The following CERT1 variants were observed in gnomAD, a reference collection of about 807,000 sequenced individuals.
The protein encoded by CERT1 is ceramide transfer protein.
CERT1 carries 31 observed loss-of-function variants against 87.9 expected under a neutral mutation model. That is an observed-to-expected ratio of 0.35 (90% CI 0.27 to 0.48). CERT1 has a LOEUF of 0.48. Ranked by LOEUF, CERT1 falls within the 20% of genes least tolerant of loss-of-function variation. CERT1 has a pLI of 0.99. For synonymous variants in CERT1, 289 were observed against 250.9 expected (o/e 1.15, Z -1.44); for missense variants, 487 against 758.0 (o/e 0.64, Z 4.20).
chr5:75,375,650 A>G (rs1232949126), downstream of CERT1: 1 of 147,230 alleles, frequency 6.8e-6, no homozygotes, highest in Non-Finnish European at 1.5e-5. Flanking sequence ...AAAAATATAT[A>G]TTATATATAA....
chr5:75,473,677 T>C (rs1033183474), intron 2 of CERT1, among the ~76,000 whole-genome samples: 8 of 152,148 alleles, frequency 5.3e-5, no homozygotes, highest in Admixed American at 1.3e-4. Context: ...GTGGTGACTA[T>C]AGTTAATGAT....
In CERT1 at chr5:75,459,197, AG is replaced by A; in HGVS notation, c.232-17del. The stretch of plus-strand genomic sequence containing the variant: ...AATCGTGAGGCTGTGGAGAAAAAGT[AG>A]AAAATGAAAAGCAAAGCTAATTATA... On this transcript the variant is annotated splice_polypyrimidine_tract_variant and intron_variant, in intron 2 of 16. Coordinates refer to ENST00000643780, the MANE Select transcript of CERT1 (RefSeq NM_001379029.1). 6.6e-7 allele frequency: 1 copy of A among 1,510,702 alleles called. No homozygotes were observed. Among genetic ancestry groups the A allele is most frequent in the South Asian group, 1.1e-5 (1 of 88,936 alleles). The allele number at this position is 1,510,702 out of a possible 1,614,324, so 93.6% of individuals were successfully genotyped here.
intron 8 of CERT1, among the ~76,000 whole-genome samples, chr5:75,403,337 A>G (rs1215400869): frequency 6.6e-6 from 1 of 152,276 alleles, no homozygotes; most frequent in African/African-American, 2.4e-5. Flanking sequence ...CTATGGCCCA[A>G]GGGCCAAATC....
rs141063927 is a variant in CERT1 at position 75,431,961 on chromosome 5, T to C, written c.349-5483A>G. On this transcript the variant is annotated intron_variant, in intron 3 of 16. Coordinates refer to ENST00000643780, the MANE Select transcript of CERT1 (RefSeq NM_001379029.1). ...AATGAGATTGCTGGTCAAATGGTAG[T>C]TCTGTTTTAAGTTGTTTGAGAAATC... 1.6e-4 allele frequency among the ~76,000 whole-genome samples: 25 copies of C among 152,322 alleles called. No individual in the cohort carries two copies. The East Asian group carries it at 4.8e-3, about 29-fold the overall frequency.
At chr5:75,456,610 G>A (rs2112300600) in intron 3 of CERT1, among the ~76,000 whole-genome samples, 1 of 146,360 alleles carries the variant, frequency 6.8e-6, no homozygotes, top group East Asian at 2.0e-4. Flanking sequence ...GGAGGCAGAG[G>A]CTGAAGTGAG....
intron 7 of CERT1, among the ~76,000 whole-genome samples, chr5:75,411,548 G>A (rs751996740): frequency 3.9e-5 from 6 of 152,020 alleles, no homozygotes; most frequent in Admixed American, 1.3e-4. Flanking sequence ...TCCTCACCTC[G>A]TGATCCACCC....
intron 3 of CERT1, among the ~76,000 whole-genome samples, chr5:75,432,459 A>C (rs1344986051): frequency 1.3e-5 from 2 of 152,228 alleles, no homozygotes; most frequent in Non-Finnish European, 2.9e-5. Flanking sequence ...TTTATCTAAC[A>C]AACAGTGATG....
Position 75,437,597 on chromosome 5 carries a change from C to A in CERT1, c.349-11119G>T, listed in dbSNP as rs191438234. ...CCTGGCCAATATGGCAAAACCCAGT[C>A]TCTACTAAAAATATGAAAATTAGCT... is the stretch of plus-strand genomic sequence containing the variant. On this transcript the variant is annotated intron_variant, in intron 3 of 16. Transcript: ENST00000643780. Among the ~76,000 whole-genome samples the A allele has an allele frequency of 8.6e-5, 13 of 151,914 alleles. No homozygotes were observed. In the South Asian group the frequency reaches 1.9e-3, roughly 22 times the overall value.
At chr5:75,379,587 T>C in intron 16 of CERT1, 114 bp from the exon 17 acceptor site, 1 of 953,184 alleles carries the variant, frequency 1.0e-6, no homozygotes, top group East Asian at 2.6e-5. Flanking sequence ...CCAATTAGCA[T>C]CTTTTTTTTT....
rs1284704619 is a variant in CERT1, at chr5:75,511,364, GCGC to G, written c.-160_-158del. On this transcript the variant is annotated 5_prime_UTR_variant, in exon 1 of 17. Coordinates refer to ENST00000643780, the MANE Select transcript of CERT1 (RefSeq NM_001379029.1). ...GGAGGAGGGACGAAGTCCGCCCGCC[GCGC>G]CGCCGCCGCGCCTGACACCGAGCGG... 1 of 1,546,340 alleles carries G rather than the reference GCGC, an allele frequency of 6.5e-7. No homozygotes were observed. The highest frequency in any genetic ancestry group is 8.7e-7 in the Non-Finnish European group (1 of 1,146,152).
chr5:75,407,188 G>A (rs1762740526), intron 8 of CERT1, among the ~76,000 whole-genome samples: 1 of 151,896 alleles, frequency 6.6e-6, no homozygotes, highest in Non-Finnish European at 1.5e-5. Flanking sequence ...ATTTCAAATA[G>A]GTGAATAAAG....
At chr5:75,392,969 CAAAAAAAAAA>C (rs1198217217) in intron 11 of CERT1, among the ~76,000 whole-genome samples, 5 of 8,690 alleles carry the variant, frequency 5.8e-4, no homozygotes, top group Admixed American at 4.7e-3. Context: ...GACTCCGTCT[CAAAAAAAAAA>C]AAAAAAAAAA....
chr5:75,414,574 A>G (rs1253792048), intron 7 of CERT1, among the ~76,000 whole-genome samples: 1 of 152,114 alleles, frequency 6.6e-6, no homozygotes, highest in African/African-American at 2.4e-5. Context: ...ATAATTGCCT[A>G]ATTTTAGAAT....
At chr5:75,408,145 A>C (rs1015782405) in intron 8 of CERT1, among the ~76,000 whole-genome samples, 24 of 152,256 alleles carry the variant, frequency 1.6e-4, no homozygotes, top group Admixed American at 1.5e-3. Context: ...AGTCCTCCAC[A>C]AACAAGTGTA....
At position 75,389,619 on chromosome 5, in the gene CERT1, C is replaced by T. The variant is rs1761950725; in HGVS notation, c.1257G>A (p.Gln419=). 1 of 1,613,934 alleles carries T rather than the reference C, an allele frequency of 6.2e-7. No homozygotes were observed. The highest frequency in any genetic ancestry group is 1.7e-5 in the Admixed American group (1 of 60,004). Residue 419 remains glutamine (Q), a synonymous_variant, in exon 12 of 17, where the codon CAG becomes CAA. Coordinates refer to ENST00000643780, the MANE Select transcript of CERT1 (RefSeq NM_001379029.1). ...LQDVGGDANW[Q]LVVEEGEMKV... is the part of the protein sequence containing the mutation. The stretch of plus-strand genomic sequence containing the variant: ...TCATTTCTCCTTCTTCTACAACCAA[C>T]TGCCAATTGGCATCTCCGCCTACAT...
chr5:75,458,422 A>T (rs1440286550), intron 3 of CERT1, among the ~76,000 whole-genome samples: 1 of 152,228 alleles, frequency 6.6e-6, no homozygotes, highest in African/African-American at 2.4e-5. Context: ...TTATAATCCA[A>T]TGTTATTTCA....
At position 75,511,603 on chromosome 5, in the gene CERT1, G is replaced by T; in HGVS notation, c.-396C>A. On this transcript the variant is annotated 5_prime_UTR_variant, in exon 1 of 17. Coordinates refer to ENST00000643780, the MANE Select transcript of CERT1 (RefSeq NM_001379029.1). The stretch of plus-strand genomic sequence containing the variant: ...GTCCACTCACACCTCCGCTACCGCC[G>T]CCATCTTCCTGCCTGGCCCACTATT... 6.8e-7 allele frequency: 1 copy of T among 1,466,888 alleles called. No homozygotes were observed. The allele number at this position is 1,466,888 out of a possible 1,614,324, so 90.9% of individuals were successfully genotyped here.
At chr5:75,497,849 G>A (rs1767146927) in intron 2 of CERT1, among the ~76,000 whole-genome samples, 2 of 152,192 alleles carry the variant, frequency 1.3e-5, no homozygotes, top group African/African-American at 4.8e-5. Context: ...ACCCGAAAAT[G>A]TGGAAGCAAC....
At chr5:75,368,656 G>A (rs962149344) in exon 18 of CERT1, 1 of 152,182 alleles carries the variant, frequency 6.6e-6, no homozygotes, top group Non-Finnish European at 1.5e-5. Flanking sequence ...TTCATCCTCT[G>A]AGCTGGAGGA....
Sources: gnomAD v4.1 joint callset for allele counts (sites outside exome capture counted in the v4.1 genomes callset) on GRCh38, gnomAD v4.1.1 for gene constraint, MANE v1.5 for transcripts, NCBI Gene and HGNC (gene_info 2026-07-23, HGNC 2026-07-21) for gene names.